YIPF7: variants seen among roughly 807,000 people sequenced by gnomAD.
YIPF7 encodes the protein protein YIPF7.
Under a neutral mutation model 27.2 loss-of-function variants are expected in YIPF7, and 35 were observed. The observed-to-expected ratio is 1.29, with a 90% CI of 0.98 to 1.70. The LOEUF is 1.70. YIPF7 is among the 40% of genes most tolerant of loss of function. YIPF7 has a pLI of 0.00. For synonymous variants in YIPF7, 137 were observed against 110.4 expected, an observed-to-expected ratio of 1.24 and a Z score of -1.51; for missense variants, 358 against 303.7, an observed-to-expected ratio of 1.18 and a Z score of -1.33.
intron 2 of YIPF7, among the ~76,000 whole-genome samples, chr4:44,657,322 GA>G (rs1363263266): frequency 2.6e-5 from 4 of 152,164 alleles, no homozygotes; most frequent in Non-Finnish European, 5.9e-5. Flanking sequence ...CTCTTCAAAG[GA>G]AAACTTTCTG....
intron 4 of YIPF7, among the ~76,000 whole-genome samples, chr4:44,625,061 T>C (rs1339581590): frequency 6.6e-6 from 1 of 152,202 alleles, no homozygotes; most frequent in Non-Finnish European, 1.5e-5. Flanking sequence ...AAATTGTCCA[T>C]TACGAGTACA....
chr4:44,645,952 A>G (rs974850197), intron 2 of YIPF7, among the ~76,000 whole-genome samples: 3 of 152,220 alleles, frequency 2.0e-5, no homozygotes, highest in African/African-American at 7.2e-5. Context: ...TGTTAATAAT[A>G]GTCATGTCTT....
chr4:44,641,482 G>A (rs1713323778), intron 2 of YIPF7, among the ~76,000 whole-genome samples: 1 of 152,110 alleles, frequency 6.6e-6, no homozygotes, highest in Non-Finnish European at 1.5e-5. Flanking sequence ...AAGAAACATA[G>A]AGCTGCCCAG....
chr4:44,652,734 C>T (rs1250793549), upstream of YIPF7, among the ~76,000 whole-genome samples: 3 of 152,182 alleles, frequency 2.0e-5, no homozygotes, highest in Non-Finnish European at 4.4e-5. Flanking sequence ...CATCTTAGTA[C>T]TGATTTTGCT....
chr4:44,623,797 G>T (rs1229364506), intron 5 of YIPF7, among the ~76,000 whole-genome samples: 1 of 152,062 alleles, frequency 6.6e-6, no homozygotes, highest in African/African-American at 2.4e-5. Context: ...GAGCATGTAT[G>T]ATATAAAGTT....
intron 1 of YIPF7, among the ~76,000 whole-genome samples, chr4:44,661,970 T>C (rs1714050615): frequency 6.6e-6 from 1 of 152,230 alleles, no homozygotes; most frequent in Non-Finnish European, 1.5e-5. Context: ...GTCAGCCTTT[T>C]TCTCTTTAAT....
At chr4:44,633,237 A>G (rs1712984047) in intron 3 of YIPF7, among the ~76,000 whole-genome samples, 1 of 152,166 alleles carries the variant, frequency 6.6e-6, no homozygotes, top group South Asian at 2.1e-4. Context: ...TGCTGTTCTA[A>G]TACACTATGT....
chr4:44,653,238 G>A (rs2109604006), upstream of YIPF7, among the ~76,000 whole-genome samples: 3 of 152,148 alleles, frequency 2.0e-5, 1 homozygote, highest in South Asian at 6.2e-4. Flanking sequence ...ATGAACAGAG[G>A]CTGGACCAAA....
Position 44,622,373 on chromosome 4 carries a change from G to T in YIPF7, c.*41C>A, listed in dbSNP as rs186628194. The T allele has an allele frequency of 8.1e-4, 1,272 of 1,579,498 alleles. 5 individuals are homozygous for T. The highest frequency in any genetic ancestry group is 4.5e-3 in the African/African-American group (330 of 73,640). On this transcript the variant is annotated 3_prime_UTR_variant, in exon 6 of 6. Coordinates refer to ENST00000415895, the MANE Select transcript of YIPF7 (RefSeq NM_182592.3). ...TGTTAATATATTTCCAAAATAATCT[G>T]GACAGCAAACAGAGTCTTGAAATGC... is the stretch of plus-strand genomic sequence containing the variant.
intron 2 of YIPF7, among the ~76,000 whole-genome samples, chr4:44,641,987 T>A (rs936699807): frequency 1.3e-5 from 2 of 152,104 alleles, no homozygotes; most frequent in African/African-American, 4.8e-5. Flanking sequence ...CCAATACCTA[T>A]TTTTTTAATG....
upstream of YIPF7, among the ~76,000 whole-genome samples, chr4:44,652,167 T>C (rs1713757804): frequency 6.6e-6 from 1 of 152,192 alleles, no homozygotes; most frequent in Non-Finnish European, 1.5e-5. Flanking sequence ...TCTTACCTGA[T>C]GGACAGGTTC....
chr4:44,659,105 G>A (rs1176963616), intron 2 of YIPF7, among the ~76,000 whole-genome samples: 1 of 152,156 alleles, frequency 6.6e-6, no homozygotes, highest in Non-Finnish European at 1.5e-5. Context: ...TGGATCATGA[G>A]GAAGCCTGGG....
chr4:44,650,095 T>G lies in YIPF7; in HGVS notation c.6A>C (p.Ser2=), dbSNP rs2109600973. The G allele has an allele frequency of 1.9e-6, 3 of 1,545,040 alleles. No homozygotes were observed. In the East Asian group the frequency reaches 7.1e-5, roughly 36 times the overall value. M[S]NLAQFDSDFY... Reference sequence around the variant, plus strand: ...AATCAGAGTCAAATTGTGCCAAGTTTGACATCCTGAAAAATAAGAGTATGT... The same window carrying G: ...AATCAGAGTCAAATTGTGCCAAGTTGGACATCCTGAAAAATAAGAGTATGT... The change falls in exon 2 of 6, where the codon TCA becomes TCC. Residue 2 remains serine (S), a synonymous_variant. Transcript: ENST00000415895.
intron 2 of YIPF7, among the ~76,000 whole-genome samples, chr4:44,637,198 C>T (rs1484232680): frequency 6.6e-6 from 1 of 152,092 alleles, no homozygotes; most frequent in Non-Finnish European, 1.5e-5. Context: ...AGTAGTGCTT[C>T]AATAAACATA....
upstream of YIPF7, among the ~76,000 whole-genome samples, chr4:44,653,464 C>A (rs1351237758): frequency 6.6e-6 from 1 of 151,856 alleles, no homozygotes; most frequent in African/African-American, 2.4e-5. Context: ...GTCATGGCAA[C>A]TGAGGAAAAG....
chr4:44,653,476 T>C (rs1215752620), upstream of YIPF7, among the ~76,000 whole-genome samples: 3 of 152,080 alleles, frequency 2.0e-5, no homozygotes, highest in East Asian at 5.8e-4. Flanking sequence ...GAGGAAAAGA[T>C]GAATTACAGG....
chr4:44,641,304 A>G (rs1418059563), intron 2 of YIPF7, among the ~76,000 whole-genome samples: 3 of 152,202 alleles, frequency 2.0e-5, no homozygotes, highest in African/African-American at 7.2e-5. Flanking sequence ...TGCTTCTTCT[A>G]AGTGGATAAA....
At chr4:44,624,856 G>T in intron 4 of YIPF7, 74 bp from the exon 5 acceptor site, 1 of 1,400,016 alleles carries the variant, frequency 7.1e-7, no homozygotes, top group Non-Finnish European at 9.7e-7. Flanking sequence ...TCATGAAGCA[G>T]AGAGCATCTT....
At chr4:44,633,165 A>G (rs897181278) in intron 3 of YIPF7, among the ~76,000 whole-genome samples, 2 of 152,138 alleles carry the variant, frequency 1.3e-5, no homozygotes, top group African/African-American at 2.4e-5. Flanking sequence ...CATCTCCCCA[A>G]CCTGGCTGTG....
Sources: gnomAD v4.1 joint callset for allele counts (sites outside exome capture counted in the v4.1 genomes callset) on GRCh38, gnomAD v4.1.1 for gene constraint, MANE v1.5 for transcripts, NCBI Gene and HGNC (gene_info 2026-07-23, HGNC 2026-07-21) for gene names.